Variants in ITGB3BP observed in about 807,000 individuals in gnomAD.
The protein encoded by ITGB3BP is centromere protein R.
In ITGB3BP, 27 loss-of-function variants were observed where a neutral mutation model predicts 29.1. The observed-to-expected ratio is 0.93, with a 90% CI of 0.68 to 1.28. The LOEUF (loss-of-function observed/expected upper bound fraction) is 1.28. Ranked by LOEUF, ITGB3BP falls within the 50% of genes most tolerant of loss-of-function variation. The probability of loss-of-function intolerance (pLI) is 0.00; values close to 1 mark genes in which losing one functional copy is unlikely to be tolerated. For synonymous variants in ITGB3BP, 61 were observed against 61.4 expected (o/e 0.99, Z 0.03); for missense variants, 192 against 200.2 (o/e 0.96, Z 0.25).
chr1:63,508,461 A>G (rs1646127622), intron 2 of ITGB3BP, 67 bp downstream of exon 2: 4 of 698,500 alleles, frequency 5.7e-6, no homozygotes, highest in Non-Finnish European at 9.7e-6. Context: ...ATTTAACGAG[A>G]TAAATCAGTA....
At chr1:63,472,869 G>C (rs934668923) in intron 4 of ITGB3BP, among the ~76,000 whole-genome samples, 1 of 152,046 alleles carries the variant, frequency 6.6e-6, no homozygotes, top group Non-Finnish European at 1.5e-5. Context: ...CCAAAGTGCC[G>C]AGATTGCAGC....
intron 1 of ITGB3BP, 120 bp from the exon 2 acceptor site, chr1:63,508,690 T>A: frequency 1.9e-6 from 1 of 536,148 alleles, no homozygotes; most frequent in Non-Finnish European, 3.3e-6. Context: ...TTTTATATTA[T>A]GTATTAAAGC....
chr1:63,488,640 T>C (rs1645579545), intron 3 of ITGB3BP, among the ~76,000 whole-genome samples: 1 of 152,064 alleles, frequency 6.6e-6, no homozygotes, highest in Admixed American at 6.6e-5. Context: ...ATGTAATGAT[T>C]ACAAATGACA....
intron 3 of ITGB3BP, among the ~76,000 whole-genome samples, chr1:63,485,596 C>G (rs1295256943): frequency 6.6e-6 from 1 of 152,050 alleles, no homozygotes; most frequent in Non-Finnish European, 1.5e-5. Flanking sequence ...CAATTCCACT[C>G]CTTTATCTGA....
chr1:63,528,173 TA>T (rs368537525), upstream of ITGB3BP, among the ~76,000 whole-genome samples: 1,085 of 152,264 alleles, frequency 7.1e-3, 15 homozygotes, highest in Middle Eastern at 0.082. Flanking sequence ...GGAAGCAACG[TA>T]AGAGTTCATC....
At chr1:63,470,431 C>A (rs1645176711) in intron 4 of ITGB3BP, among the ~76,000 whole-genome samples, 1 of 152,202 alleles carries the variant, frequency 6.6e-6, no homozygotes. Flanking sequence ...AGAACACTGA[C>A]AACATCCCAG....
chr1:63,504,938 T>C (rs1646036540), intron 2 of ITGB3BP, among the ~76,000 whole-genome samples: 1 of 152,210 alleles, frequency 6.6e-6, no homozygotes, highest in African/African-American at 2.4e-5. Context: ...GATTTTTGCA[T>C]CGATGTTCAT....
intron 4 of ITGB3BP, among the ~76,000 whole-genome samples, chr1:63,464,235 T>A (rs1038965560): frequency 1.3e-5 from 2 of 152,214 alleles, no homozygotes; most frequent in Non-Finnish European, 2.9e-5. Context: ...AATGAAGAAC[T>A]AATCCAAATA....
In ITGB3BP at chr1:63,475,866, C is replaced by T. The variant is rs1253748001; in HGVS notation, c.254+2898G>A. On this transcript the variant is annotated intron_variant, in intron 4 of 8. Coordinates refer to ENST00000271002, the MANE Select transcript of ITGB3BP (RefSeq NM_014288.5). ...TACAAAAATTAGCCGTGCATGGTAG[C>T]GGGTGCCTGTAATCCCAGCTACTAG... Among the ~76,000 whole-genome samples, 11 of 151,636 alleles carry T rather than the reference C, an allele frequency of 7.3e-5. No homozygotes were observed. In the East Asian group the frequency reaches 1.6e-3, roughly 22 times the overall value.
chr1:63,524,317 T>C (rs1229901792), upstream of ITGB3BP, among the ~76,000 whole-genome samples: 1 of 152,242 alleles, frequency 6.6e-6, no homozygotes, highest in Non-Finnish European at 1.5e-5. Context: ...TTAATTATAG[T>C]ATTACCAATT....
At chr1:63,469,888 G>A (rs926225713) in intron 4 of ITGB3BP, among the ~76,000 whole-genome samples, 1 of 152,196 alleles carries the variant, frequency 6.6e-6, no homozygotes, top group Non-Finnish European at 1.5e-5. Context: ...CATGATGGCC[G>A]TAACGCCCAC....
At chr1:63,514,444 A>G (rs1452631151) in intron 1 of ITGB3BP, among the ~76,000 whole-genome samples, 1 of 152,180 alleles carries the variant, frequency 6.6e-6, no homozygotes, top group African/African-American at 2.4e-5. Context: ...ATTTAATTTC[A>G]TAAGAAACTG....
chr1:63,469,573 G>A (rs904751342), intron 4 of ITGB3BP, among the ~76,000 whole-genome samples: 97 of 152,136 alleles, frequency 6.4e-4, no homozygotes, highest in East Asian at 5.8e-4. Flanking sequence ...TGATCTGCCC[G>A]CCTTGGCCTC....
chr1:63,468,075 G>A (rs1243610971), intron 4 of ITGB3BP, among the ~76,000 whole-genome samples: 4 of 152,080 alleles, frequency 2.6e-5, no homozygotes, highest in African/African-American at 9.7e-5. Context: ...TCTGGCTATG[G>A]GCTTCTTTCT....
chr1:63,515,051 CTTTTA>C, intron 1 of ITGB3BP, among the ~76,000 whole-genome samples: 1 of 150,908 alleles, frequency 6.6e-6, no homozygotes, highest in Admixed American at 6.6e-5. Flanking sequence ...ATCATTTTTT[CTTTTA>C]TAATTATTGC....
chr1:63,508,633 A>C, intron 1 of ITGB3BP, 63 bp from the exon 2 acceptor site: 2 of 710,296 alleles, frequency 2.8e-6, no homozygotes, highest in Non-Finnish European at 4.6e-6. Context: ...TAGCCCAATA[A>C]TTAAGGGAAG....
At chr1:63,472,056 C>T (rs12744541) in intron 4 of ITGB3BP, among the ~76,000 whole-genome samples, 138,982 of 150,012 alleles carry the variant, frequency 0.93, 65,204 homozygotes, top group East Asian at 1. Flanking sequence ...AGTGAATAAC[C>T]TTTTTTTTTT....
intron 1 of ITGB3BP, among the ~76,000 whole-genome samples, chr1:63,522,397 G>A (rs1646472296): frequency 6.6e-6 from 1 of 152,126 alleles, no homozygotes; most frequent in Non-Finnish European, 1.5e-5. Context: ...TGAGGACAAG[G>A]ACGGCCAAGG....
intron 8 of ITGB3BP, among the ~76,000 whole-genome samples, chr1:63,446,402 C>G (rs1403246282): frequency 6.6e-6 from 1 of 152,160 alleles, no homozygotes; most frequent in Non-Finnish European, 1.5e-5. Context: ...TAGCACATTT[C>G]CAAATTTAAC....
Sources: gnomAD v4.1 joint callset for allele counts (sites outside exome capture counted in the v4.1 genomes callset) on GRCh38, gnomAD v4.1.1 for gene constraint, MANE v1.5 for transcripts, NCBI Gene and HGNC (gene_info 2026-07-23, HGNC 2026-07-21) for gene names.